The following PPP1R12A variants were observed in gnomAD, a reference collection of about 807,000 sequenced individuals.
The protein encoded by PPP1R12A is protein phosphatase 1 regulatory subunit 12A.
Under a neutral mutation model 139.6 loss-of-function variants are expected in PPP1R12A, and 19 were observed. The observed-to-expected ratio is 0.14, with a 90% CI of 0.09 to 0.20. The LOEUF is 0.20. PPP1R12A is among the 10% of genes least tolerant of loss of function. The pLI, the probability that PPP1R12A is intolerant of heterozygous loss-of-function variation, is 1.00. For synonymous variants in PPP1R12A, 427 were observed against 420.6 expected (o/e 1.02, Z -0.19); for missense variants, 925 against 1,211.5 (o/e 0.76, Z 3.51).
rs1416439909 is a variant in PPP1R12A, at chr12:79,829,882, C to G, written c.648-1418G>C. Among the ~76,000 whole-genome samples the G allele has an allele frequency of 2.6e-5, 4 of 152,032 alleles. No homozygotes were observed. In the East Asian group the frequency reaches 7.7e-4, roughly 29 times the overall value. ...AAAGACAGTATCTATATTCAAGGAG[C>G]TTTTACTGGAAGTGAAACAACAACC... On this transcript the variant is annotated intron_variant, in intron 4 of 24. Transcript: ENST00000450142.
At chr12:79,852,846 C>T (rs1281507228) in intron 2 of PPP1R12A, among the ~76,000 whole-genome samples, 1 of 152,152 alleles carries the variant, frequency 6.6e-6, no homozygotes, top group Non-Finnish European at 1.5e-5. Context: ...GGCTTTTTTA[C>T]TGCTTAGAAG....
At chr12:79,884,285 C>T (rs1457378484) in intron 1 of PPP1R12A, among the ~76,000 whole-genome samples, 1 of 152,106 alleles carries the variant, frequency 6.6e-6, no homozygotes, top group Non-Finnish European at 1.5e-5. Flanking sequence ...TGAAACACTG[C>T]TAATTTTGAT....
chr12:79,928,296 G>A (rs1887997446), intron 1 of PPP1R12A, among the ~76,000 whole-genome samples: 1 of 152,186 alleles, frequency 6.6e-6, no homozygotes, highest in Non-Finnish European at 1.5e-5. Context: ...CAAAAGTGTT[G>A]CCAGGAAGCA....
rs1489638878 is a variant in PPP1R12A, at chr12:79,810,493, TAGG to T, written c.1240-486_1240-484del. ...TCTACTGATTCCACCACAGGCATGA[TAGG>T]AGCAATGAAATCATACTAAAGCCAA... is the stretch of plus-strand genomic sequence containing the variant. On this transcript the variant is annotated intron_variant, in intron 9 of 24. Transcript: ENST00000450142. Among the ~76,000 whole-genome samples, 6 of 152,186 alleles carry T rather than the reference TAGG, an allele frequency of 3.9e-5. No individual in the cohort carries two copies. The South Asian group carries it at 1.0e-3, about 26-fold the overall frequency.
chr12:79,879,187 C>A lies in PPP1R12A; in HGVS notation c.238-6249G>T, dbSNP rs1448100052. Among the ~76,000 whole-genome samples, 3 of 152,040 alleles carry A rather than the reference C, an allele frequency of 2.0e-5. No homozygotes were observed. The East Asian group carries it at 5.8e-4, about 29-fold the overall frequency. Reference sequence around the variant, plus strand: ...TTGAGGTCAGGAGTTCAAGACCAGCCTGGCCAACACGGCAAAACCCCGTCT... The same window carrying A: ...TTGAGGTCAGGAGTTCAAGACCAGCATGGCCAACACGGCAAAACCCCGTCT... On this transcript the variant is annotated intron_variant, in intron 1 of 24. Coordinates refer to ENST00000450142, the MANE Select transcript of PPP1R12A (RefSeq NM_002480.3).
intron 1 of PPP1R12A, among the ~76,000 whole-genome samples, chr12:79,913,134 CAATAG>C (rs1268570790): frequency 3.9e-5 from 6 of 152,224 alleles, no homozygotes; most frequent in African/African-American, 7.2e-5. Flanking sequence ...TGTTTATTAC[CAATAG>C]AATATTTTCT....
At chr12:79,927,887 T>C (rs752610540) in intron 1 of PPP1R12A, among the ~76,000 whole-genome samples, 5 of 152,178 alleles carry the variant, frequency 3.3e-5, no homozygotes, top group Admixed American at 1.3e-4. Flanking sequence ...CTCATCATCT[T>C]CTCAACCTTA....
intron 22 of PPP1R12A, among the ~76,000 whole-genome samples, chr12:79,782,971 T>C (rs1038814086): frequency 2.6e-5 from 4 of 152,336 alleles, no homozygotes; most frequent in Non-Finnish European, 2.9e-5. Context: ...CTAGGACTTA[T>C]AACCAAGTCA....
At chr12:79,849,982 C>T (rs1453787631) in intron 2 of PPP1R12A, among the ~76,000 whole-genome samples, 1 of 151,944 alleles carries the variant, frequency 6.6e-6, no homozygotes, top group Admixed American at 6.6e-5. Flanking sequence ...TACTACAACA[C>T]CCAGCTAAAT....
At chr12:79,817,358 A>C (rs778573285) in intron 9 of PPP1R12A, 36 bp downstream of exon 9, 1 of 1,589,908 alleles carries the variant, frequency 6.3e-7, no homozygotes. Flanking sequence ...CATAAATAGA[A>C]TACATGTATT....
intron 14 of PPP1R12A, among the ~76,000 whole-genome samples, chr12:79,799,901 C>A (rs781193653): frequency 2.0e-4 from 30 of 151,874 alleles, no homozygotes; most frequent in Non-Finnish European, 3.8e-4. Flanking sequence ...CCCAGTTACT[C>A]GGGAGGCTGA....
chr12:79,820,743 C>T (rs991667650), intron 8 of PPP1R12A, 31 bp downstream of exon 8: 3 of 1,599,750 alleles, frequency 1.9e-6, no homozygotes, highest in Non-Finnish European at 1.7e-6. Context: ...CCACAAAATT[C>T]AACGAAAATG....
chr12:79,911,002 G>C (rs986895319), intron 1 of PPP1R12A, among the ~76,000 whole-genome samples: 1 of 152,136 alleles, frequency 6.6e-6, no homozygotes, highest in African/African-American at 2.4e-5. Context: ...CAAAATCAGA[G>C]AGAATGGAAG....
At chr12:79,866,384 G>A (rs1881965222) in intron 2 of PPP1R12A, among the ~76,000 whole-genome samples, 1 of 152,042 alleles carries the variant, frequency 6.6e-6, no homozygotes, top group Non-Finnish European at 1.5e-5. Flanking sequence ...AGAAAACCTG[G>A]GCAATACCAT....
chr12:79,779,499 A>G, intron 23 of PPP1R12A: 1 of 557,406 alleles, frequency 1.8e-6, no homozygotes, highest in Non-Finnish European at 3.0e-6. Flanking sequence ...GTGATTTTAA[A>G]AAGTAGACAG....
chr12:79,845,365 G>A lies in PPP1R12A; in HGVS notation c.424C>T (p.Pro142Ser). 1 of 1,613,580 alleles carries A rather than the reference G, an allele frequency of 6.2e-7. No homozygotes were observed. The highest frequency in any genetic ancestry group is 8.5e-7 in the Non-Finnish European group (1 of 1,179,748). ...VGAVNSEGDTPLDIAEEEAME... is the reference protein window; with the variant it reads ...VGAVNSEGDTSLDIAEEEAME... ...GCCTCCTCCTCCGCAATATCTAAAG[G>A]TGTATCTCCTTCACTGTTGACAGCC... The change falls in exon 3 of 25, where the codon CCT becomes TCT. Residue 142 changes from proline (P) to serine (S), a missense_variant. Around this residue, in one of 4 missense-constraint regions of PPP1R12A, gnomAD observed 199 missense variants for 352.4 expected, o/e 0.56. Coordinates refer to ENST00000450142, the MANE Select transcript of PPP1R12A (RefSeq NM_002480.3).
At position 79,927,974 on chromosome 12, in the gene PPP1R12A, T is replaced by C. The variant is rs573747637; in HGVS notation, c.237+6721A>G. Among the ~76,000 whole-genome samples, 50 of 152,242 alleles carry C rather than the reference T, an allele frequency of 3.3e-4. No individual in the cohort carries two copies. In the South Asian group the frequency reaches 9.5e-3, roughly 29 times the overall value. On this transcript the variant is annotated intron_variant, in intron 1 of 24. Coordinates refer to ENST00000450142, the MANE Select transcript of PPP1R12A (RefSeq NM_002480.3). ...TTTTTGCAGGCAGAGGCAATGAAAA[T>C]AGCAACTTCATATAGTGTCAAGAAG...
In PPP1R12A at chr12:79,934,688, C is replaced by G. The variant is rs921380098; in HGVS notation, c.237+7G>C. Reference sequence around the variant, plus strand: ...GGTCAGGAGAGCCGGCGGCGGGGCGCACAGACCTGGTGCAGGGCAGTGAGT... The same window carrying G: ...GGTCAGGAGAGCCGGCGGCGGGGCGGACAGACCTGGTGCAGGGCAGTGAGT... On this transcript the variant is annotated splice_region_variant and intron_variant, in intron 1 of 24. Transcript: ENST00000450142. 4 of 1,519,786 alleles carry G rather than the reference C, an allele frequency of 2.6e-6. No individual in the cohort carries two copies. The African/African-American group carries it at 5.5e-5, about 21-fold the overall frequency. The allele number at this position is 1,519,786 out of a possible 1,614,324, so 94.1% of individuals were successfully genotyped here. A position where few individuals can be genotyped will look rare whatever the true frequency, so the allele number is the denominator to read the frequency against.
intron 9 of PPP1R12A, among the ~76,000 whole-genome samples, chr12:79,816,090 G>T (rs1875346322): frequency 6.6e-6 from 1 of 151,940 alleles, no homozygotes; most frequent in South Asian, 2.1e-4. Context: ...AATGCTGTGA[G>T]GATTTAAAAA....
Sources: gnomAD v4.1 joint callset for allele counts (sites outside exome capture counted in the v4.1 genomes callset) on GRCh38, gnomAD v4.1.1 for gene constraint, gnomAD v4.1.1 regional missense constraint, MANE v1.5 for transcripts, NCBI Gene and HGNC (gene_info 2026-07-23, HGNC 2026-07-21) for gene names.